Variants in MICU2 observed in about 807,000 individuals in gnomAD.
MICU2 encodes the protein mitochondrial calcium uptake 2.
A neutral mutation model predicts 60.4 loss-of-function variants in MICU2; 64 were observed. The observed-to-expected ratio is 1.06, with a 90% CI of 0.87 to 1.31. MICU2 has a LOEUF of 1.31. Ranked by LOEUF, MICU2 falls within the 50% of genes most tolerant of loss-of-function variation. MICU2 has a pLI of 0.00. For synonymous variants in MICU2, 201 were observed against 175.0 expected (o/e 1.15, Z -1.17); for missense variants, 569 against 531.0 (o/e 1.07, Z -0.70).
chr13:21,498,269 G>A (rs375009901), intron 9 of MICU2, among the ~76,000 whole-genome samples: 8 of 151,088 alleles, frequency 5.3e-5, no homozygotes, highest in African/African-American at 1.9e-4. Context: ...CAAACAACAT[G>A]AAGGATAAAT....
At chr13:21,589,121 A>C (rs560128671) in intron 1 of MICU2, among the ~76,000 whole-genome samples, 2 of 152,298 alleles carry the variant, frequency 1.3e-5, no homozygotes, top group African/African-American at 4.8e-5. Context: ...CCTTCATCCT[A>C]AACAACACTG....
chr13:21,589,792 A>G (rs1222203067), intron 1 of MICU2, among the ~76,000 whole-genome samples: 1 of 150,382 alleles, frequency 6.6e-6, no homozygotes, highest in Non-Finnish European at 1.5e-5. Context: ...CCCGTAGTGC[A>G]CTCTCTTTAA....
intron 1 of MICU2, among the ~76,000 whole-genome samples, chr13:21,590,582 G>C (rs1888557132): frequency 6.6e-6 from 1 of 152,170 alleles, no homozygotes; most frequent in Non-Finnish European, 1.5e-5. Context: ...TAAAAGGTTA[G>C]AAAATAAGAA....
At chr13:21,543,828 A>G (rs915983005) in intron 2 of MICU2, among the ~76,000 whole-genome samples, 1 of 152,086 alleles carries the variant, frequency 6.6e-6, no homozygotes, top group African/African-American at 2.4e-5. Flanking sequence ...TAAAACTTCT[A>G]TGGAACCACA....
chr13:21,593,324 T>TCA (rs1434667965), intron 1 of MICU2, among the ~76,000 whole-genome samples: 3 of 151,850 alleles, frequency 2.0e-5, no homozygotes, highest in African/African-American at 7.3e-5. Context: ...AAGGACCTCT[T>TCA]CAAGAAGAAC....
chr13:21,531,626 G>A (rs1887002450), intron 4 of MICU2, among the ~76,000 whole-genome samples: 1 of 152,176 alleles, frequency 6.6e-6, no homozygotes, highest in Non-Finnish European at 1.5e-5. Flanking sequence ...TCCTTCAGTA[G>A]TACACGCGTC....
chr13:21,603,022 G>A (rs1279557882), intron 1 of MICU2, among the ~76,000 whole-genome samples: 1 of 149,670 alleles, frequency 6.7e-6, no homozygotes, highest in Non-Finnish European at 1.5e-5. Flanking sequence ...AGGCTGGAGT[G>A]CAATGGCTCG....
At chr13:21,499,387 C>T (rs1166725636) in intron 9 of MICU2, among the ~76,000 whole-genome samples, 4 of 151,722 alleles carry the variant, frequency 2.6e-5, no homozygotes, top group South Asian at 2.1e-4. Flanking sequence ...ACTTACTGTG[C>T]GAGACCGTTC....
chr13:21,519,200 G>A (rs1820783886), intron 6 of MICU2, among the ~76,000 whole-genome samples: 1 of 152,120 alleles, frequency 6.6e-6, no homozygotes, highest in African/African-American at 2.4e-5. Context: ...GAGATTACAG[G>A]CATACGCCAC....
chr13:21,493,500 G>C lies in MICU2; in HGVS notation c.1201-147C>G, dbSNP rs189327313. On this transcript the variant is annotated intron_variant, in intron 11 of 11. Coordinates refer to ENST00000382374, the MANE Select transcript of MICU2 (RefSeq NM_152726.3). ...TATGTTGTAAAAGATGATCACAACA[G>C]AACTGAAAATGGGGGTAAAAGACAA... 302 of 579,560 alleles carry C rather than the reference G, an allele frequency of 5.2e-4. 2 individuals are homozygous for C. In the African/African-American group the frequency reaches 5.3e-3, roughly 10 times the overall value. 35.9% of individuals were successfully genotyped at this position (579,560 alleles called of 1,614,324 possible).
intron 3 of MICU2, 126 bp from the exon 4 acceptor site, chr13:21,539,503 G>A (rs541789924): frequency 1.7e-4 from 216 of 1,289,588 alleles, no homozygotes; most frequent in Middle Eastern, 1.6e-3. Flanking sequence ...GGGCTTCACT[G>A]TGTTAGCCAG....
chr13:21,601,441 G>A (rs952136286), intron 1 of MICU2, among the ~76,000 whole-genome samples: 1 of 152,210 alleles, frequency 6.6e-6, no homozygotes, highest in African/African-American at 2.4e-5. Flanking sequence ...TCAGGCAAAT[G>A]CTATGCCAAC....
In MICU2 at chr13:21,493,700, T is replaced by C. The variant is rs975167442; in HGVS notation, c.1201-347A>G. Among the ~76,000 whole-genome samples the C allele has an allele frequency of 6.0e-5, 9 of 151,028 alleles. No individual in the cohort carries two copies. The East Asian group carries it at 1.3e-3, about 23-fold the overall frequency. ...TTTCCTTTTATAATGTTTTATAATCTTTCCCTTTTTTTCTGGTGAACTTTG... is the reference window on the plus strand; with the variant it reads ...TTTCCTTTTATAATGTTTTATAATCCTTCCCTTTTTTTCTGGTGAACTTTG... On this transcript the variant is annotated intron_variant, in intron 11 of 11. Coordinates refer to ENST00000382374, the MANE Select transcript of MICU2 (RefSeq NM_152726.3).
chr13:21,535,137 T>C (rs1887102275), intron 4 of MICU2, among the ~76,000 whole-genome samples: 1 of 152,208 alleles, frequency 6.6e-6, no homozygotes, highest in African/African-American at 2.4e-5. Flanking sequence ...TAAGATGATT[T>C]AAATTTTCTC....
chr13:21,543,425 C>T (rs1887330777), intron 2 of MICU2, among the ~76,000 whole-genome samples: 1 of 152,062 alleles, frequency 6.6e-6, no homozygotes, highest in Admixed American at 6.6e-5. Flanking sequence ...ATAGAAAAAC[C>T]TAAAGTCTCT....
At chr13:21,557,761 G>A (rs1236280361) in intron 2 of MICU2, among the ~76,000 whole-genome samples, 1 of 152,114 alleles carries the variant, frequency 6.6e-6, no homozygotes, top group African/African-American at 2.4e-5. Context: ...TACATCACAT[G>A]CATAAAGGAT....
At chr13:21,553,766 T>A (rs901791938) in intron 2 of MICU2, among the ~76,000 whole-genome samples, 25 of 152,270 alleles carry the variant, frequency 1.6e-4, no homozygotes, top group Middle Eastern at 6.8e-3. Context: ...GACCCATCAG[T>A]GTGCTGTATT....
At chr13:21,534,827 C>T (rs1231365219) in intron 4 of MICU2, among the ~76,000 whole-genome samples, 1 of 152,062 alleles carries the variant, frequency 6.6e-6, no homozygotes, top group African/African-American at 2.4e-5. Flanking sequence ...TCAGAGAGTA[C>T]AGTGTAACAA....
chr13:21,554,123 C>G (rs1209623699), intron 2 of MICU2, among the ~76,000 whole-genome samples: 3 of 152,096 alleles, frequency 2.0e-5, no homozygotes, highest in African/African-American at 7.2e-5. Context: ...GACAGATCAA[C>G]GAGACAGAAA....
Sources: gnomAD v4.1 joint callset for allele counts (sites outside exome capture counted in the v4.1 genomes callset) on GRCh38, gnomAD v4.1.1 for gene constraint, MANE v1.5 for transcripts, NCBI Gene and HGNC (gene_info 2026-07-23, HGNC 2026-07-21) for gene names.